The following DFFB variants were observed in gnomAD, a reference collection of about 807,000 sequenced individuals.
DFFB encodes the protein DNA fragmentation factor subunit beta.
A neutral mutation model predicts 32.7 loss-of-function variants in DFFB; 29 were observed. The ratio of observed to expected loss-of-function variants is 0.89; its 90% CI spans 0.66 to 1.21. The LOEUF is 1.21. Ranked by LOEUF, DFFB falls within the 50% of genes most tolerant of loss-of-function variation. The pLI is 0.00. For missense variants in DFFB, 398 were observed against 440.6 expected, an observed-to-expected ratio of 0.90 and a Z score of 0.87; for synonymous variants, 170 against 177.1, an observed-to-expected ratio of 0.96 and a Z score of 0.32.
At position 3,858,838 on chromosome 1, in the gene DFFB, C is replaced by A. The variant is rs765014861; in HGVS notation, c.235C>A (p.Gln79Lys). Residue 79 changes from glutamine (Q) to lysine (K), a missense_variant, in exon 2 of 7, where the codon CAG (glutamine) becomes AAG (lysine). Transcript: ENST00000378209. Reference sequence around the variant, plus strand: ...GCTGCTCACCTTGGGCCAGGCCTGGCAGGGCTGTGAGTGGCAAGGACTTTG... The same window carrying A: ...GCTGCTCACCTTGGGCCAGGCCTGGAAGGGCTGTGAGTGGCAAGGACTTTG... ...LVLLTLGQAW[Q>K]GYVSDIRRFL... The A allele has an allele frequency of 2.5e-6, 4 of 1,613,650 alleles. No homozygotes were observed. The highest frequency in any genetic ancestry group is 3.4e-6 in the Non-Finnish European group (4 of 1,180,018).
chr1:3,865,365 C>T lies in DFFB; in HGVS notation c.242-447C>T, dbSNP rs1276037088. Among the ~76,000 whole-genome samples, 13 of 152,104 alleles carry T rather than the reference C, an allele frequency of 8.5e-5. No homozygotes were observed. The highest frequency in any genetic ancestry group is 8.5e-4 in the Admixed American group (13 of 15,268). ...CTCTTTGCTAACATTTTGTTAAGGT[C>T]CTGGGTAGACTTTGCTTTAACTTCC... is the stretch of plus-strand genomic sequence containing the variant. On this transcript the variant is annotated intron_variant, in intron 2 of 6. Coordinates refer to ENST00000378209, the MANE Select transcript of DFFB (RefSeq NM_004402.4). This position sits in a 1 kb window ranked among gnomAD's most constrained non-coding sequence, Gnocchi z 4.7.
intron 6 of DFFB, among the ~76,000 whole-genome samples, chr1:3,881,116 T>G (rs1299936574): frequency 1.3e-5 from 2 of 152,214 alleles, no homozygotes. Context: ...CCTGCTTGTG[T>G]GGGGGACTTG....
chr1:3,868,644 GCCACACCACACCAGGCCACA>G (rs1557716148), intron 4 of DFFB, among the ~76,000 whole-genome samples: 9 of 124,314 alleles, frequency 7.2e-5, no homozygotes, highest in Middle Eastern at 5.0e-3. Flanking sequence ...ACCACACCAA[GCCACACCACACCAGGCCACA>G]CCACACCACA....
Position 3,885,228 on chromosome 1 carries a change from C to T in DFFB, c.*1487C>T, listed in dbSNP as rs1638346731. 1 of 152,084 alleles carries T rather than the reference C, an allele frequency of 6.6e-6. No individual in the cohort carries two copies. Among genetic ancestry groups the T allele is most frequent in the Non-Finnish European group, 1.5e-5 (1 of 68,038 alleles). The allele number at this position is 152,084 out of a possible 1,614,324, so 9.4% of individuals were successfully genotyped here. A position where few individuals can be genotyped will look rare whatever the true frequency, so the allele number is the denominator to read the frequency against. On this transcript the variant is annotated 3_prime_UTR_variant, in exon 7 of 7. Coordinates refer to ENST00000378209, the MANE Select transcript of DFFB (RefSeq NM_004402.4). ...ACACGCGGATCTGAACAGCAGTAAT[C>T]CTGGGGGATACGGGGGTTGGGCTAG...
At chr1:3,878,607 G>T (rs567646527) in intron 6 of DFFB, among the ~76,000 whole-genome samples, 1 of 152,186 alleles carries the variant, frequency 6.6e-6, no homozygotes, top group East Asian at 1.9e-4. Flanking sequence ...TCTTTCCCTT[G>T]CCCATCACCC....
At chr1:3,876,455 A>G (rs182299643) in intron 6 of DFFB, among the ~76,000 whole-genome samples, 6 of 152,330 alleles carry the variant, frequency 3.9e-5, no homozygotes, top group Non-Finnish European at 8.8e-5. Flanking sequence ...TCACACACAG[A>G]TAAGTGTGTT....
At chr1:3,874,742 G>C (rs1347873501) in intron 6 of DFFB, among the ~76,000 whole-genome samples, 1 of 150,556 alleles carries the variant, frequency 6.6e-6, no homozygotes, top group East Asian at 2.0e-4. Context: ...GTGGTCTGCA[G>C]AGCCGTGTAG....
At chr1:3,872,856 A>C (rs942148431) in intron 6 of DFFB, among the ~76,000 whole-genome samples, 2 of 152,224 alleles carry the variant, frequency 1.3e-5, no homozygotes, top group Non-Finnish European at 2.9e-5. Flanking sequence ...CTGTGGATGG[A>C]GCTGGTGGGC....
At position 3,872,634 on chromosome 1, in the gene DFFB, CCCTGTCCCTGCCAT is replaced by C. The variant is rs1466668369; in HGVS notation, c.782+63_782+76del. 1.7e-4 allele frequency: 251 copies of C among 1,444,992 alleles called. 4 individuals carry two copies. Among genetic ancestry groups the C allele is most frequent in the African/African-American group, 5.8e-4 (41 of 71,146 alleles). 89.5% of individuals were successfully genotyped at this position (1,444,992 alleles called of 1,614,324 possible). A position where few individuals can be genotyped will look rare whatever the true frequency, so the allele number is the denominator to read the frequency against. On this transcript the variant is annotated intron_variant, in intron 6 of 6. Transcript: ENST00000378209. ...CTGCAGGGCCCTGTCCCTGCCGTGG[CCCTGTCCCTGCCAT>C]GGCCCTGTCCCTGCCACGGCCCTGT...
At chr1:3,877,836 CGGCTTTCT>C (rs879722308) in intron 6 of DFFB, among the ~76,000 whole-genome samples, 1,462 of 113,826 alleles carry the variant, frequency 0.013, 15 homozygotes, top group Admixed American at 0.021. Flanking sequence ...TCCACTGTGC[CGGCTTTCT>C]ATTCTGTGCC....
At chr1:3,864,838 C>G (rs890891215) in intron 2 of DFFB, among the ~76,000 whole-genome samples, 1 of 152,078 alleles carries the variant, frequency 6.6e-6, no homozygotes, top group Non-Finnish European at 1.5e-5. Flanking sequence ...CGTGAGCCAC[C>G]GCGCCCAGCC....
intron 5 of DFFB, among the ~76,000 whole-genome samples, chr1:3,871,756 G>A (rs112867265): frequency 0.012 from 1,894 of 152,324 alleles, 34 homozygotes; most frequent in African/African-American, 0.043. Context: ...GGTGCAATTG[G>A]CTTACGGTTC....
intron 4 of DFFB, 49 bp from the exon 5 acceptor site, chr1:3,869,555 GT>G: frequency 6.4e-7 from 1 of 1,567,892 alleles, no homozygotes; most frequent in Non-Finnish European, 8.7e-7. Flanking sequence ...GCCAGTGCGG[GT>G]TTTGGGGCGC....
intron 4 of DFFB, 140 bp from the exon 5 acceptor site, chr1:3,869,465 C>T: frequency 6.0e-6 from 5 of 839,740 alleles, no homozygotes; most frequent in East Asian, 2.6e-5. Context: ...GGCCGAGAGG[C>T]CACGTGAACT....
chr1:3,857,868 G>A (rs1644784227), intron 1 of DFFB, 151 bp downstream of exon 1: 2 of 563,752 alleles, frequency 3.5e-6, no homozygotes, highest in African/African-American at 2.0e-5. Context: ...CCGGGCCCCC[G>A]CAGCCTGGGG....
chr1:3,868,613 G>GACCACACCACACCAT, intron 4 of DFFB, among the ~76,000 whole-genome samples: 1 of 50,264 alleles, frequency 2.0e-5, no homozygotes, highest in Non-Finnish European at 3.8e-5. Flanking sequence ...CACCATACCA[G>GACCACACCACACCAT]ACCACACCAC....
At position 3,867,724 on chromosome 1, in the gene DFFB, G is replaced by A. The variant is rs929500040; in HGVS notation, c.431-250G>A. 39 of 464,014 alleles carry A rather than the reference G, an allele frequency of 8.4e-5. No homozygotes were observed. In the Admixed American group the frequency reaches 8.5e-4, roughly 10 times the overall value. 28.7% of individuals were successfully genotyped at this position (464,014 alleles called of 1,614,324 possible). A position where few individuals can be genotyped will look rare whatever the true frequency, so the allele number is the denominator to read the frequency against. On this transcript the variant is annotated intron_variant, in intron 3 of 6. Transcript: ENST00000378209. ...AAAAGTGAGCCAGGTGTGGTAGTGC[G>A]TCCCTGTAGTCTTAGCCACTTGGAA...
intron 6 of DFFB, among the ~76,000 whole-genome samples, chr1:3,882,786 C>T (rs905245832): frequency 5.9e-5 from 9 of 152,134 alleles, no homozygotes; most frequent in Admixed American, 3.3e-4. Context: ...CATAAGATTA[C>T]AAGTGGTATC....
intron 2 of DFFB, among the ~76,000 whole-genome samples, chr1:3,864,329 TTAAAA>T (rs1404643658): frequency 2.0e-5 from 3 of 152,270 alleles, no homozygotes; most frequent in African/African-American, 4.8e-5. Flanking sequence ...ATAAAGCTAC[TTAAAA>T]TAAAGAAAAG....
Sources: allele counts gnomAD v4.1 joint callset (sites outside exome capture counted in the v4.1 genomes callset), GRCh38; gene constraint gnomAD v4.1.1; non-coding constraint Gnocchi (gnomAD v3.1); transcripts MANE v1.5; gene names NCBI Gene and HGNC (gene_info 2026-07-23, HGNC 2026-07-21).